Variants in GPHN observed in about 807,000 individuals in gnomAD.
GPHN encodes the protein gephyrin.
A neutral mutation model predicts 95.5 loss-of-function variants in GPHN; 17 were observed. The observed-to-expected ratio is 0.18, with a 90% CI of 0.12 to 0.27. The LOEUF (loss-of-function observed/expected upper bound fraction) is 0.27. Ranked by LOEUF, GPHN falls within the 10% of genes least tolerant of loss-of-function variation. The pLI is 1.00. For synonymous variants in GPHN, 320 were observed against 322.5 expected (o/e 0.99, Z 0.08); for missense variants, 660 against 978.1 (o/e 0.67, Z 4.34).
chr14:67,643,794 T>C, the GPHN span, among the ~76,000 whole-genome samples: 7 of 137,224 alleles, frequency 5.1e-5, no homozygotes, highest in Non-Finnish European at 1.1e-4. Context: ...TTCAGATCAC[T>C]GAACAGAAAT....
At chr14:67,627,745 G>T in the GPHN span, among the ~76,000 whole-genome samples, 2 of 152,148 alleles carry the variant, frequency 1.3e-5, no homozygotes, top group Non-Finnish European at 2.9e-5. Context: ...GATCAGCCTG[G>T]ACAATGTAGC....
intron 12 of GPHN, among the ~76,000 whole-genome samples, chr14:67,093,211 T>A (rs904124018): frequency 6.6e-6 from 1 of 152,104 alleles, no homozygotes; most frequent in African/African-American, 2.4e-5. Flanking sequence ...TTGTTTACAT[T>A]CTGATTGAAA....
chr14:67,080,545 C>T (rs2076653699), intron 11 of GPHN, among the ~76,000 whole-genome samples: 1 of 152,036 alleles, frequency 6.6e-6, no homozygotes, highest in Non-Finnish European at 1.5e-5. Context: ...TTAGGTCTTA[C>T]ATTTAGGTCT....
chr14:67,618,247 T>C, the GPHN span, among the ~76,000 whole-genome samples: 9 of 152,138 alleles, frequency 5.9e-5, no homozygotes, highest in African/African-American at 2.2e-4. Context: ...AAACATAGGT[T>C]ACCGGTGCCC....
intron 21 of GPHN, among the ~76,000 whole-genome samples, chr14:67,174,563 T>G (rs906788984): frequency 1.4e-4 from 22 of 152,202 alleles, no homozygotes; most frequent in African/African-American, 5.1e-4. Flanking sequence ...GTCTTTATAG[T>G]AGAATAATCT....
At chr14:66,621,848 A>G (rs1280501140) in intron 1 of GPHN, among the ~76,000 whole-genome samples, 1 of 152,152 alleles carries the variant, frequency 6.6e-6, no homozygotes, top group Non-Finnish European at 1.5e-5. Flanking sequence ...TGCAGGATAC[A>G]GCCTCCATCC....
the GPHN span, among the ~76,000 whole-genome samples, chr14:67,208,005 C>CCGCG: frequency 6.6e-6 from 1 of 152,180 alleles, no homozygotes; most frequent in African/African-American, 2.4e-5. Flanking sequence ...TCCCTGGCTC[C>CCGCG]CACACAGCCT....
At chr14:66,881,463 G>A (rs1447708304) in intron 5 of GPHN, among the ~76,000 whole-genome samples, 1 of 151,752 alleles carries the variant, frequency 6.6e-6, no homozygotes, top group African/African-American at 2.4e-5. Flanking sequence ...TCATTCTCTT[G>A]CTAATTCTTT....
chr14:67,020,916 TA>T (rs2073591214), intron 9 of GPHN, among the ~76,000 whole-genome samples: 1 of 151,862 alleles, frequency 6.6e-6, no homozygotes, highest in African/African-American at 2.4e-5. Context: ...TCCCATAGAG[TA>T]AAGCCAGGGT....
chr14:66,529,754 A>T (rs2058836593), intron 1 of GPHN, among the ~76,000 whole-genome samples: 1 of 152,114 alleles, frequency 6.6e-6, no homozygotes, highest in Admixed American at 6.5e-5. Context: ...AGTTTGCTGG[A>T]GGTCCACTCC....
chr14:67,208,045 G>T, the GPHN span: 1 of 661,684 alleles, frequency 1.5e-6, no homozygotes, highest in Non-Finnish European at 1.9e-6. Flanking sequence ...CTCTCCCAAT[G>T]GTCGTGCCAT....
At chr14:67,317,327 A>G in the GPHN span, 1 of 1,221,722 alleles carries the variant, frequency 8.2e-7, no homozygotes, top group Non-Finnish European at 1.2e-6. Context: ...AAATGAATGA[A>G]TAAATAGAGT....
At chr14:66,652,191 A>C (rs2065075483) in intron 1 of GPHN, among the ~76,000 whole-genome samples, 1 of 152,156 alleles carries the variant, frequency 6.6e-6, no homozygotes, top group Non-Finnish European at 1.5e-5. Context: ...AACACCTATC[A>C]TATGCCAAAC....
At chr14:67,072,313 G>T (rs913820677) in intron 11 of GPHN, among the ~76,000 whole-genome samples, 1 of 151,996 alleles carries the variant, frequency 6.6e-6, no homozygotes, top group Admixed American at 6.5e-5. Flanking sequence ...ATGTTTTATT[G>T]GTGGAATTAT....
In GPHN at chr14:66,647,051, C is replaced by T. The variant is rs2064789520; in HGVS notation, c.65-34056C>T. ...AACTGGGACCACAGGCACATGCCACCATACCTGGCTTTTTTTTTTTTTTTA... is the reference window on the plus strand; with the variant it reads ...AACTGGGACCACAGGCACATGCCACTATACCTGGCTTTTTTTTTTTTTTTA... On this transcript the variant is annotated intron_variant, in intron 1 of 22. Coordinates refer to ENST00000478722, the MANE Select transcript of GPHN (RefSeq NM_020806.5). 6.7e-5 allele frequency among the ~76,000 whole-genome samples: 10 copies of T among 148,166 alleles called. No homozygotes were observed. In the South Asian group the frequency reaches 2.2e-3, roughly 32 times the overall value.
At chr14:67,139,435 G>A (rs1032249089) in intron 17 of GPHN, among the ~76,000 whole-genome samples, 5 of 152,156 alleles carry the variant, frequency 3.3e-5, no homozygotes, top group Non-Finnish European at 5.9e-5. Context: ...ACAAGGGTCC[G>A]TTCTCATTAG....
chr14:67,394,355 C>T, the GPHN span, among the ~76,000 whole-genome samples: 1 of 152,012 alleles, frequency 6.6e-6, no homozygotes, highest in Admixed American at 6.6e-5. Context: ...ATGATCGAGC[C>T]ACTGCACTCC....
chr14:67,699,907 C>A, the GPHN span, among the ~76,000 whole-genome samples: 3 of 151,922 alleles, frequency 2.0e-5, no homozygotes, highest in African/African-American at 7.2e-5. Flanking sequence ...TTTGGGAGGC[C>A]GAGGTGGGCG....
chr14:67,455,640 T>C, the GPHN span, among the ~76,000 whole-genome samples: 2 of 152,240 alleles, frequency 1.3e-5, 1 homozygote, highest in Middle Eastern at 6.3e-3. Flanking sequence ...TGAGACACTA[T>C]GGAAATTTCT....
Sources: allele counts gnomAD v4.1 joint callset (sites outside exome capture counted in the v4.1 genomes callset), GRCh38; gene constraint gnomAD v4.1.1; transcripts MANE v1.5; gene names NCBI Gene and HGNC (gene_info 2026-07-23, HGNC 2026-07-21).